The following AGO3 variants were observed in gnomAD, a reference collection of about 807,000 sequenced individuals.
The protein encoded by AGO3 is argonaute RISC catalytic component 3, also known as protein argonaute-3.
In AGO3, 16 loss-of-function variants were observed where a neutral mutation model predicts 105.5. The observed-to-expected ratio is 0.15, with a 90% CI of 0.10 to 0.23. The LOEUF (loss-of-function observed/expected upper bound fraction) is 0.23. Among genes scored for constraint, AGO3 ranks in the 10% least tolerant of loss-of-function variants. The pLI is 1.00. For missense variants in AGO3, 534 were observed against 1,088.0 expected, an observed-to-expected ratio of 0.49 and a Z score of 7.16; for synonymous variants, 340 against 367.3, an observed-to-expected ratio of 0.93 and a Z score of 0.85.
chr1:35,996,769 CAA>C (rs112237843), intron 5 of AGO3, among the ~76,000 whole-genome samples: 14 of 116,230 alleles, frequency 1.2e-4, no homozygotes, highest in Middle Eastern at 5.2e-3. Context: ...AACTCCATCT[CAA>C]AAAAAAAAAA....
At chr1:35,981,032 C>A (rs759424540) in intron 5 of AGO3, among the ~76,000 whole-genome samples, 1 of 152,056 alleles carries the variant, frequency 6.6e-6, no homozygotes, top group Non-Finnish European at 1.5e-5. Context: ...ATGCTTGTTT[C>A]ACTACAACTC....
intron 9 of AGO3, among the ~76,000 whole-genome samples, chr1:36,012,027 T>G (rs1640638459): frequency 6.6e-6 from 1 of 152,060 alleles, no homozygotes; most frequent in African/African-American, 2.4e-5. Flanking sequence ...CAAATAAGAT[T>G]GAAAGAGATG....
At chr1:36,002,835 C>T (rs752667630) in intron 5 of AGO3, among the ~76,000 whole-genome samples, 2 of 152,114 alleles carry the variant, frequency 1.3e-5, no homozygotes, top group Non-Finnish European at 2.9e-5. Flanking sequence ...CCTCCCGCCT[C>T]GGCCTCCCAA....
intron 16 of AGO3, 188 bp from the exon 17 acceptor site, chr1:36,043,259 T>C (rs990362150): frequency 3.5e-6 from 2 of 573,258 alleles, no homozygotes; most frequent in South Asian, 4.6e-5. Flanking sequence ...CAGCGCTCAC[T>C]TTCAGCAACA....
chr1:35,990,480 T>C, intron 5 of AGO3, among the ~76,000 whole-genome samples: 1 of 152,264 alleles, frequency 6.6e-6, no homozygotes, highest in East Asian at 1.9e-4. Flanking sequence ...TGCATTCCAG[T>C]CTGGGCGACA....
chr1:36,013,725 A>G lies in AGO3; in HGVS notation c.1245A>G (p.Pro415=), dbSNP rs752492255. The G allele has an allele frequency of 6.2e-7, 1 of 1,614,220 alleles. No homozygotes were observed. Among genetic ancestry groups the G allele is most frequent in the Non-Finnish European group, 8.5e-7 (1 of 1,180,034 alleles). Residue 415 remains proline (P), a synonymous_variant, in exon 10 of 19, where the codon CCA becomes CCG. Transcript: ENST00000373191. ...EMAHVTGRVL[P]APMLQYGGRN... ...CTCATGTAACTGGACGCGTACTTCC[A>G]GCACCTATGCTCCAGTATGGAGGAC...
At chr1:35,941,910 A>G (rs1331801085) in intron 1 of AGO3, among the ~76,000 whole-genome samples, 1 of 152,244 alleles carries the variant, frequency 6.6e-6, no homozygotes, top group Admixed American at 6.5e-5. Context: ...AGAACTTGAT[A>G]AATTTTAGAA....
At chr1:36,016,403 AAC>A (rs1243104573) in intron 11 of AGO3, among the ~76,000 whole-genome samples, 1 of 152,138 alleles carries the variant, frequency 6.6e-6, no homozygotes, top group African/African-American at 2.4e-5. Context: ...GCTGGTCTCA[AAC>A]TCCTGACCTG....
rs540946627 is a variant in AGO3 at position 35,979,697 on chromosome 1, C to T, written c.658+6186C>T. ...GAGCATATATATTCATATCTGTTTT[C>T]GTTATGAATTATAACCTTTATATAA... On this transcript the variant is annotated intron_variant, in intron 5 of 18. Transcript: ENST00000373191. Among the ~76,000 whole-genome samples the T allele has an allele frequency of 7.5e-4, 114 of 152,132 alleles. 1 individual carries two copies. Among genetic ancestry groups the T allele is most frequent in the South Asian group, 8.3e-4 (4 of 4,824 alleles).
intron 14 of AGO3, among the ~76,000 whole-genome samples, chr1:36,039,056 A>G (rs1410418460): frequency 6.6e-6 from 1 of 152,060 alleles, no homozygotes; most frequent in African/African-American, 2.4e-5. Flanking sequence ...TTCTTTCCTT[A>G]CTAATCTTTA....
chr1:36,025,670 T>C (rs1402011639), intron 11 of AGO3, among the ~76,000 whole-genome samples: 2 of 152,206 alleles, frequency 1.3e-5, no homozygotes, highest in Non-Finnish European at 2.9e-5. Context: ...AGGACCTCAA[T>C]TGTTTTAAAA....
intron 1 of AGO3, among the ~76,000 whole-genome samples, chr1:35,937,700 T>G (rs1401550750): frequency 3.3e-5 from 5 of 151,996 alleles, no homozygotes; most frequent in Non-Finnish European, 2.9e-5. Flanking sequence ...AAAAAAGAAA[T>G]AAATTGTTTC....
rs1236670226 is a variant in AGO3 at position 36,063,387 on chromosome 1, T to C, written c.*7642T>C. ...CCTTTTTTTTTTAAATTTAAGCACA[T>C]TGAAACTGCTTAAATGGTCACATTT... On this transcript the variant is annotated 3_prime_UTR_variant, in exon 19 of 19. Transcript: ENST00000373191. 6.6e-6 allele frequency: 1 copy of C among 152,134 alleles called. No individual in the cohort carries two copies. The highest frequency in any genetic ancestry group is 1.5e-5 in the Non-Finnish European group (1 of 68,022). The allele number at this position is 152,134 out of a possible 1,614,324, so 9.4% of individuals were successfully genotyped here.
chr1:36,030,958 A>G (rs1641747032), intron 12 of AGO3, among the ~76,000 whole-genome samples: 1 of 152,184 alleles, frequency 6.6e-6, no homozygotes, highest in African/African-American at 2.4e-5. Context: ...GTATAGAGAT[A>G]CCTTGTAACA....
rs1034258905 is a variant in AGO3 at position 36,004,448 on chromosome 1, C to T, written c.766C>T (p.Arg256Trp). 2 of 1,600,416 alleles carry T rather than the reference C, an allele frequency of 1.2e-6. No homozygotes were observed. The highest frequency in any genetic ancestry group is 1.7e-6 in the Non-Finnish European group (2 of 1,171,678). ...EQPRPLTDSH[R>W]VKFTKEIKGL... ...ACCAAGACCTCTGACTGATTCTCAT[C>T]GGGTAAAATTCACCAAAGAGATAAA... Residue 256 changes from arginine to tryptophan, a missense_variant, in exon 6 of 19, where the codon CGG becomes TGG. Transcript: ENST00000373191.
chr1:35,996,125 G>A (rs1057107467), intron 5 of AGO3, among the ~76,000 whole-genome samples: 2 of 151,724 alleles, frequency 1.3e-5, no homozygotes, highest in African/African-American at 4.8e-5. Context: ...AATCGCTTGA[G>A]GCCAGGTGTT....
intron 16 of AGO3, 30 bp from the exon 17 acceptor site, chr1:36,043,413 CTTGT>C (rs1343707726): frequency 6.5e-7 from 1 of 1,550,240 alleles, no homozygotes; most frequent in African/African-American, 1.4e-5. Context: ...TTACCTTTTT[CTTGT>C]TTGTTTAAAC....
intron 3 of AGO3, among the ~76,000 whole-genome samples, chr1:35,967,399 ATTTATTTTATTTTAT>A (rs57271371): frequency 8.2e-4 from 123 of 150,236 alleles, no homozygotes; most frequent in South Asian, 1.7e-3. Flanking sequence ...CCCCATTAAT[ATTTATTTTATTTTAT>A]TTTATTTTAT....
intron 11 of AGO3, among the ~76,000 whole-genome samples, chr1:36,025,901 G>A (rs139122685): frequency 1.3e-5 from 2 of 151,944 alleles, no homozygotes; most frequent in African/African-American, 2.4e-5. Context: ...AGCCAGGCGC[G>A]GTGGCACATG....
Sources: gnomAD v4.1 joint callset for allele counts (sites outside exome capture counted in the v4.1 genomes callset) on GRCh38, gnomAD v4.1.1 for gene constraint, MANE v1.5 for transcripts, NCBI Gene and HGNC (gene_info 2026-07-23, HGNC 2026-07-21) for gene names.